PCCA: variants seen among roughly 807,000 people sequenced by gnomAD.
PCCA encodes propionyl-CoA carboxylase subunit alpha.
A neutral mutation model predicts 101.3 loss-of-function variants in PCCA; 74 were observed. That is an observed-to-expected ratio of 0.73 (90% CI 0.61 to 0.89). The LOEUF is 0.89. Among genes scored for constraint, PCCA ranks in the 40% least tolerant of loss-of-function variants. The pLI, the probability that PCCA is intolerant of heterozygous loss-of-function variation, is 0.00. For missense variants in PCCA, 891 were observed against 907.0 expected, an observed-to-expected ratio of 0.98 and a Z score of 0.23; for synonymous variants, 294 against 313.6, an observed-to-expected ratio of 0.94 and a Z score of 0.66.
intron 6 of PCCA, among the ~76,000 whole-genome samples, chr13:100,162,070 G>A (rs1406657440): frequency 7.1e-6 from 1 of 141,084 alleles, no homozygotes; most frequent in Non-Finnish European, 1.5e-5. Flanking sequence ...TCTGGAGCAT[G>A]TGTGTCTGTA....
intron 15 of PCCA, 47 bp from the exon 16 acceptor site, chr13:100,309,786 G>C: frequency 8.4e-7 from 1 of 1,189,988 alleles, no homozygotes; most frequent in Non-Finnish European, 1.2e-6. Context: ...ATTTAACATA[G>C]TTCTAAATAT....
chr13:100,474,462 C>G (rs1328528856), intron 21 of PCCA, among the ~76,000 whole-genome samples: 1 of 133,102 alleles, frequency 7.5e-6, no homozygotes, highest in East Asian at 2.8e-4. Context: ...CTCTCTCTCT[C>G]TCTCTCTGTC....
At chr13:100,455,926 C>T (rs1335018164) in intron 21 of PCCA, among the ~76,000 whole-genome samples, 1 of 152,160 alleles carries the variant, frequency 6.6e-6, no homozygotes, top group African/African-American at 2.4e-5. Flanking sequence ...TCTCAAACTC[C>T]TGACCTCAAA....
chr13:100,393,577 C>T, intron 19 of PCCA, among the ~76,000 whole-genome samples: 1 of 151,636 alleles, frequency 6.6e-6, no homozygotes, highest in Non-Finnish European at 1.5e-5. Context: ...CGCCACCGTG[C>T]CTGGCTAATT....
At chr13:100,204,694 C>T (rs1371730429) in intron 6 of PCCA, among the ~76,000 whole-genome samples, 1 of 152,132 alleles carries the variant, frequency 6.6e-6, no homozygotes, top group Non-Finnish European at 1.5e-5. Context: ...CCAACCCTTT[C>T]CCCCATTCTT....
intron 7 of PCCA, among the ~76,000 whole-genome samples, chr13:100,209,981 G>T (rs2059110763): frequency 6.7e-6 from 1 of 149,616 alleles, no homozygotes; most frequent in South Asian, 2.1e-4. Flanking sequence ...AGAGATGGAG[G>T]TCTCACTCTG....
At chr13:100,228,319 T>C (rs952102751) in intron 7 of PCCA, among the ~76,000 whole-genome samples, 1 of 152,190 alleles carries the variant, frequency 6.6e-6, no homozygotes, top group African/African-American at 2.4e-5. Context: ...CCTGGCATAT[T>C]TGACTTTTCT....
chr13:100,502,525 A>G (rs950547921), intron 21 of PCCA, among the ~76,000 whole-genome samples: 1 of 152,220 alleles, frequency 6.6e-6, no homozygotes, highest in African/African-American at 2.4e-5. Context: ...TTGCAGTGGT[A>G]AGAGGGTTAG....
At chr13:100,288,111 T>G (rs1342219655) in intron 12 of PCCA, among the ~76,000 whole-genome samples, 1 of 152,190 alleles carries the variant, frequency 6.6e-6, no homozygotes, top group East Asian at 1.9e-4. Flanking sequence ...GACGGAGTTT[T>G]TATCATAATT....
At chr13:100,121,909 G>A (rs1195857317) in intron 4 of PCCA, among the ~76,000 whole-genome samples, 1 of 152,158 alleles carries the variant, frequency 6.6e-6, no homozygotes, top group Non-Finnish European at 1.5e-5. Context: ...GAGGTGAGAG[G>A]AGGCATCCTT....
chr13:100,233,436 A>G (rs1289444703), intron 7 of PCCA, among the ~76,000 whole-genome samples: 2 of 151,980 alleles, frequency 1.3e-5, no homozygotes, highest in African/African-American at 4.8e-5. Flanking sequence ...TCCTTTTTTT[A>G]GTTGATTCAG....
At position 100,273,321 on chromosome 13, in the gene PCCA, T is replaced by G; in HGVS notation, c.1040T>G (p.Phe347Cys). The G allele has an allele frequency of 6.2e-7, 1 of 1,613,312 alleles. No individual in the cohort carries two copies. Reference sequence around the variant, plus strand: ...GTGGACTCTAAGAAGAATTTTTATTTCTTGGAAATGAATACAAGACTCCAG... The same window carrying G: ...GTGGACTCTAAGAAGAATTTTTATTGCTTGGAAATGAATACAAGACTCCAG... ...FLVDSKKNFYFLEMNTRLQVE... is the reference protein window; with the variant it reads ...FLVDSKKNFYCLEMNTRLQVE... The change falls in exon 12 of 24, where the codon TTC (phenylalanine) becomes TGC (cysteine). Residue 347 changes from phenylalanine to cysteine, a missense_variant. Coordinates refer to ENST00000376285, the MANE Select transcript of PCCA (RefSeq NM_000282.4).
intron 19 of PCCA, among the ~76,000 whole-genome samples, chr13:100,404,766 G>T (rs1425932318): frequency 6.6e-6 from 1 of 152,142 alleles, no homozygotes; most frequent in African/African-American, 2.4e-5. Context: ...TCTTACCCAC[G>T]TAACGCCCTA....
rs185580127 is a variant in PCCA at position 100,502,989 on chromosome 13, C to G, written c.1900-12438C>G. Among the ~76,000 whole-genome samples, 182 of 152,308 alleles carry G rather than the reference C, an allele frequency of 1.2e-3. 1 individual carries two copies. The highest frequency in any genetic ancestry group is 4.2e-3 in the African/African-American group (176 of 41,576). On this transcript the variant is annotated intron_variant, in intron 21 of 23. Transcript: ENST00000376285. Reference sequence around the variant, plus strand: ...TAGGGCGTTAAAGCTGTATTTACAGCTGGACCTTCTGATTCCTGGGGAGGA... The same window carrying G: ...TAGGGCGTTAAAGCTGTATTTACAGGTGGACCTTCTGATTCCTGGGGAGGA...
At chr13:100,342,197 T>G (rs1190100230) in intron 18 of PCCA, among the ~76,000 whole-genome samples, 1 of 151,972 alleles carries the variant, frequency 6.6e-6, no homozygotes, top group Non-Finnish European at 1.5e-5. Flanking sequence ...CACTCCACAC[T>G]TTCCCCATTT....
chr13:100,111,694 G>A, intron 2 of PCCA, 147 bp from the exon 3 acceptor site: 1 of 632,730 alleles, frequency 1.6e-6, no homozygotes, highest in East Asian at 2.8e-5. Context: ...ATTACTGTAA[G>A]TAATATAGTA....
intron 12 of PCCA, among the ~76,000 whole-genome samples, chr13:100,274,244 A>T (rs1315383453): frequency 6.6e-6 from 1 of 152,164 alleles, no homozygotes; most frequent in Non-Finnish European, 1.5e-5. Context: ...TTAAAACTAT[A>T]TTAATGGGAT....
chr13:100,326,710 A>G (rs760937069), intron 16 of PCCA, among the ~76,000 whole-genome samples: 2 of 152,028 alleles, frequency 1.3e-5, no homozygotes, highest in Non-Finnish European at 2.9e-5. Context: ...CTCAACCTGA[A>G]GAGGAGGAGG....
intron 9 of PCCA, among the ~76,000 whole-genome samples, chr13:100,258,642 G>A (rs985486491): frequency 6.6e-6 from 1 of 151,880 alleles, no homozygotes; most frequent in Non-Finnish European, 1.5e-5. Context: ...TTTATGGTGC[G>A]GATTACTCTT....
Sources: allele counts gnomAD v4.1 joint callset (sites outside exome capture counted in the v4.1 genomes callset), GRCh38; gene constraint gnomAD v4.1.1; transcripts MANE v1.5; gene names NCBI Gene and HGNC (gene_info 2026-07-23, HGNC 2026-07-21).